The following CSE1L variants were observed in gnomAD, a reference collection of about 807,000 sequenced individuals.
CSE1L encodes the protein chromosome segregation 1 like.
In CSE1L, 24 loss-of-function variants were observed where a neutral mutation model predicts 120.4. The ratio of observed to expected loss-of-function variants is 0.20; its 90% CI spans 0.14 to 0.28. CSE1L has a LOEUF of 0.28. CSE1L is among the 10% of genes least tolerant of loss of function. The pLI is 1.00. For missense variants in CSE1L, 830 were observed against 1,145.2 expected (o/e 0.72, Z 3.97); for synonymous variants, 402 against 398.3 (o/e 1.01, Z -0.11).
intron 1 of CSE1L, among the ~76,000 whole-genome samples, chr20:49,057,454 C>CT (rs535693108): frequency 0.38 from 42,985 of 112,750 alleles, 8,922 homozygotes; most frequent in African/African-American, 0.55. Context: ...GTTGTGGGGC[C>CT]TTTTTTTTTT....
intron 8 of CSE1L, 137 bp from the exon 9 acceptor site, chr20:49,072,149 G>T: frequency 1.2e-6 from 1 of 828,696 alleles, no homozygotes. Context: ...ATTGGTGGTG[G>T]CATAGCTGTA....
chr20:49,058,734 A>T (rs917453107), intron 2 of CSE1L, among the ~76,000 whole-genome samples, 186 bp downstream of exon 2: 1 of 152,126 alleles, frequency 6.6e-6, no homozygotes, highest in African/African-American at 2.4e-5. Flanking sequence ...AATAGCTTTT[A>T]TTTGGCATCT....
rs997145053 is a variant in CSE1L, at chr20:49,096,564, A to C, written c.*126A>C. On this transcript the variant is annotated 3_prime_UTR_variant, in exon 25 of 25. Coordinates refer to ENST00000262982, the MANE Select transcript of CSE1L (RefSeq NM_001316.4). Reference sequence around the variant, plus strand: ...TGTCACGAATTCCATCTTGTAAAGGATATTAAATGTTGCTTTAACCTGAAC... The same window carrying C: ...TGTCACGAATTCCATCTTGTAAAGGCTATTAAATGTTGCTTTAACCTGAAC... The C allele has an allele frequency of 1.4e-6, 1 of 730,100 alleles. No individual in the cohort carries two copies. The highest frequency in any genetic ancestry group is 1.8e-5 in the African/African-American group (1 of 56,620). The allele number at this position is 730,100 out of a possible 1,614,324, so 45.2% of individuals were successfully genotyped here. A position where few individuals can be genotyped will look rare whatever the true frequency, so the allele number is the denominator to read the frequency against.
rs2091866066 is a variant in CSE1L, at chr20:49,063,252, C to G, written c.136C>G (p.Leu46Val). 6.3e-7 allele frequency: 1 copy of G among 1,596,654 alleles called. No individual in the cohort carries two copies. The highest frequency in any genetic ancestry group is 1.8e-5 in the Admixed American group (1 of 55,888). The change falls in exon 3 of 25, where the codon CTT becomes GTT. Residue 46 changes from leucine to valine, a missense_variant. By Grantham distance (32) the Leu-to-Val change is conservative (BLOSUM62 1). Transcript: ENST00000262982. ...VEGNQNYPLL[L>V]LTLLEKSQDN... Reference sequence around the variant, plus strand: ...AGGAAATCAGAATTATCCACTGTTGCTTTTGACATTACTGGAGAAGTCCCA... The same window carrying G: ...AGGAAATCAGAATTATCCACTGTTGGTTTTGACATTACTGGAGAAGTCCCA...
intron 2 of CSE1L, among the ~76,000 whole-genome samples, chr20:49,061,272 A>G (rs1192538916): frequency 2.2e-5 from 3 of 139,060 alleles, no homozygotes; most frequent in African/African-American, 5.5e-5. Context: ...TCCCGGGTCC[A>G]CGCCATTCTC....
At chr20:49,089,136 T>A in intron 17 of CSE1L, 111 bp from the exon 18 acceptor site, 1 of 1,004,992 alleles carries the variant, frequency 1.0e-6, no homozygotes, top group South Asian at 2.2e-5. Context: ...AATTGGTGTT[T>A]TTTTCTTAAT....
chr20:49,078,678 G>T, intron 14 of CSE1L, 56 bp downstream of exon 14: 1 of 1,151,006 alleles, frequency 8.7e-7, no homozygotes, highest in Non-Finnish European at 1.2e-6. Flanking sequence ...GTTTTATTAT[G>T]TACCACCTTC....
chr20:49,096,272 C>T (rs2092139640), intron 24 of CSE1L, 77 bp from the exon 25 acceptor site: 2 of 1,148,884 alleles, frequency 1.7e-6, no homozygotes, highest in East Asian at 4.7e-5. Flanking sequence ...GCTGTGGCAG[C>T]TCTCCCGTAG....
chr20:49,096,147 T>C (rs2092138909), intron 24 of CSE1L: 1 of 699,390 alleles, frequency 1.4e-6, no homozygotes, highest in Admixed American at 2.0e-5. Flanking sequence ...CACCTAATAA[T>C]AGTAATTCCT....
intron 21 of CSE1L, 22 bp downstream of exon 21, chr20:49,091,044 T>C: frequency 6.9e-7 from 1 of 1,442,490 alleles, no homozygotes; most frequent in East Asian, 2.3e-5. Flanking sequence ...CATCTGGATG[T>C]TCTACAGAAG....
At chr20:49,079,144 C>T (rs1378261167) in intron 14 of CSE1L, among the ~76,000 whole-genome samples, 2 of 151,698 alleles carry the variant, frequency 1.3e-5, no homozygotes, top group Non-Finnish European at 1.5e-5. Flanking sequence ...CTGTTCACCT[C>T]GGCCTCCCAA....
rs775390143 is a variant in CSE1L, at chr20:49,078,602, A to G, written c.1462A>G (p.Ile488Val). 38 of 1,570,054 alleles carry G rather than the reference A, an allele frequency of 2.4e-5. No individual in the cohort carries two copies. The highest frequency in any genetic ancestry group is 3.1e-5 in the Non-Finnish European group (36 of 1,157,612). The change falls in exon 14 of 25, where the codon ATT (isoleucine) becomes GTT (valine). Residue 488 changes from isoleucine (I) to valine (V), a missense_variant. Around this residue, in one of 4 missense-constraint regions of CSE1L, gnomAD observed 543 missense variants for 640.2 expected, o/e 0.85. Transcript: ENST00000262982. The part of the protein sequence containing the change: ...PVLKADGIKY[I>V]MIFRNQVPKE... ...CCTTAAAGCTGACGGTATCAAATAT[A>G]TTATGATTTTTAGAAATCAAGTAAG...
rs539527633 is a variant in CSE1L at position 49,055,934 on chromosome 20, A to G, written c.-11-2519A>G. ...TGATATCCTTGAACTTTTTCCACTGACCTTTTTTACATTTTACAAAAATTG... is the reference window on the plus strand; with the variant it reads ...TGATATCCTTGAACTTTTTCCACTGGCCTTTTTTACATTTTACAAAAATTG... On this transcript the variant is annotated intron_variant, in intron 1 of 24. Coordinates refer to ENST00000262982, the MANE Select transcript of CSE1L (RefSeq NM_001316.4). Among the ~76,000 whole-genome samples the G allele has an allele frequency of 2.0e-5, 3 of 151,050 alleles. No individual in the cohort carries two copies. In the East Asian group the frequency reaches 5.9e-4, roughly 30 times the overall value.
At chr20:49,090,604 C>T (rs1029501549) in intron 19 of CSE1L, 138 bp from the exon 20 acceptor site, 3 of 672,832 alleles carry the variant, frequency 4.5e-6, no homozygotes, top group Non-Finnish European at 7.6e-6. Context: ...GAATTGTTCC[C>T]CATATGTTTC....
rs11478194 is a variant in CSE1L, at chr20:49,083,011, C to CT, written c.1483-1004dup. On this transcript the variant is annotated intron_variant, in intron 14 of 24. Coordinates refer to ENST00000262982, the MANE Select transcript of CSE1L (RefSeq NM_001316.4). ...CATCATGACTGTTTGTCCTTAACATCTTTTTTTTTTTCTTTTTTCTTTTTT... is the reference window on the plus strand; with the variant it reads ...CATCATGACTGTTTGTCCTTAACATCTTTTTTTTTTTTCTTTTTTCTTTTTT... Among the ~76,000 whole-genome samples the CT allele has an allele frequency of 3.2e-3, 466 of 146,416 alleles. 3 individuals carry two copies. The highest frequency in any genetic ancestry group is 0.011 in the African/African-American group (420 of 39,968).
At chr20:49,059,304 T>C (rs986813619) in intron 2 of CSE1L, among the ~76,000 whole-genome samples, 1 of 152,166 alleles carries the variant, frequency 6.6e-6, no homozygotes, top group Non-Finnish European at 1.5e-5. Flanking sequence ...AGCTTTTTTT[T>C]TCCTTCCTGA....
chr20:49,054,237 A>G (rs906549188), intron 1 of CSE1L, among the ~76,000 whole-genome samples: 2 of 152,206 alleles, frequency 1.3e-5, no homozygotes, highest in East Asian at 1.9e-4. Context: ...CACATTTTCT[A>G]ATTAAGGGGA....
intron 11 of CSE1L, 141 bp from the exon 12 acceptor site, chr20:49,075,177 T>C: frequency 1.5e-6 from 1 of 646,550 alleles, no homozygotes; most frequent in Non-Finnish European, 2.6e-6. Flanking sequence ...AGCTATTGGG[T>C]GGCCCTTTGT....
At chr20:49,095,468 C>G (rs1055279890) in intron 24 of CSE1L, among the ~76,000 whole-genome samples, 6 of 152,008 alleles carry the variant, frequency 3.9e-5, no homozygotes, top group Admixed American at 3.3e-4. Context: ...CTAGGACCCA[C>G]TATGCCCAGC....
Sources: allele counts gnomAD v4.1 joint callset (sites outside exome capture counted in the v4.1 genomes callset), GRCh38; gene constraint gnomAD v4.1.1; regional missense constraint gnomAD v4.1.1; transcripts MANE v1.5; gene names NCBI Gene and HGNC (gene_info 2026-07-23, HGNC 2026-07-21).